The following EHMT1 variants were observed in gnomAD, a reference collection of about 807,000 sequenced individuals.
EHMT1 encodes the protein histone-lysine N-methyltransferase EHMT1.
A neutral mutation model predicts 147.2 loss-of-function variants in EHMT1; 15 were observed. The ratio of observed to expected loss-of-function variants is 0.10; its 90% CI spans 0.07 to 0.16. EHMT1 has a LOEUF of 0.16. EHMT1 is among the 10% of genes least tolerant of loss of function. The pLI is 1.00. For missense variants in EHMT1, 1,587 were observed against 1,772.4 expected, an observed-to-expected ratio of 0.90 and a Z score of 1.88; for synonymous variants, 795 against 709.6, an observed-to-expected ratio of 1.12 and a Z score of -1.91.
intron 18 of EHMT1, among the ~76,000 whole-genome samples, chr9:137,810,506 A>G (rs1226583011): frequency 1.3e-5 from 2 of 151,946 alleles, no homozygotes; most frequent in Non-Finnish European, 2.9e-5. Context: ...AGAGTTGAAC[A>G]TTTTCTTATG....
At chr9:137,753,635 C>T (rs1314828452) in intron 7 of EHMT1, among the ~76,000 whole-genome samples, 2 of 152,184 alleles carry the variant, frequency 1.3e-5, no homozygotes, top group South Asian at 2.1e-4. Flanking sequence ...GGGGTGGGGG[C>T]GCCTGCTGTG....
chr9:137,657,775 G>A (rs970504330), intron 1 of EHMT1, among the ~76,000 whole-genome samples: 1 of 151,534 alleles, frequency 6.6e-6, no homozygotes, highest in Non-Finnish European at 1.5e-5. Context: ...TATGTTTTGT[G>A]CCCATGAACC....
In EHMT1 at chr9:137,775,359, T is replaced by C; in HGVS notation, c.1791+107T>C. ...ACCTGCTGTCGGGTGGTCCAGCAGC[T>C]GGCCCAGGTCTGGTGTCCGTCTGGA... On this transcript the variant is annotated intron_variant, in intron 11 of 26. Coordinates refer to ENST00000460843, the MANE Select transcript of EHMT1 (RefSeq NM_024757.5). The surrounding 1 kb of genome is among the most constrained non-coding windows in gnomAD (Gnocchi z 6.1). 1 of 1,508,538 alleles carries C rather than the reference T, an allele frequency of 6.6e-7. No homozygotes were observed. 93.4% of individuals were successfully genotyped at this position (1,508,538 alleles called of 1,614,324 possible).
chr9:137,685,708 TCTCTA>T (rs1187975741), intron 1 of EHMT1, among the ~76,000 whole-genome samples: 5 of 152,354 alleles, frequency 3.3e-5, no homozygotes, highest in African/African-American at 1.2e-4. Context: ...GGTTCAGATT[TCTCTA>T]CTCCTCACCA....
chr9:137,672,127 A>G (rs1229902749), intron 1 of EHMT1, among the ~76,000 whole-genome samples: 3 of 152,206 alleles, frequency 2.0e-5, no homozygotes, highest in Middle Eastern at 3.2e-3. Flanking sequence ...TGATAGTGCC[A>G]TAGAGGGCGT....
intron 1 of EHMT1, among the ~76,000 whole-genome samples, chr9:137,653,352 G>A (rs1447265223): frequency 1.3e-5 from 2 of 152,090 alleles, no homozygotes; most frequent in Non-Finnish European, 2.9e-5. Context: ...CCATAGCCTC[G>A]GTGCGTAGTA....
chr9:137,703,256 C>G (rs112464949), intron 1 of EHMT1, among the ~76,000 whole-genome samples: 3,460 of 152,354 alleles, frequency 0.023, 115 homozygotes, highest in African/African-American at 0.078. Context: ...GAGGCATTTT[C>G]CCCATTGTCT....
At chr9:137,646,814 A>G (rs995157605) in intron 1 of EHMT1, among the ~76,000 whole-genome samples, 12 of 152,112 alleles carry the variant, frequency 7.9e-5, no homozygotes, top group Admixed American at 2.6e-4. Flanking sequence ...ATTCATGTTC[A>G]GCTTCTTCCT....
intron 1 of EHMT1, among the ~76,000 whole-genome samples, chr9:137,665,569 CTG>C (rs1429565794): frequency 3.9e-5 from 6 of 152,314 alleles, no homozygotes; most frequent in African/African-American, 1.4e-4. Flanking sequence ...TAAAATGTCT[CTG>C]TGAGTTGAGT....
At chr9:137,676,691 C>G (rs1941368830) in intron 1 of EHMT1, among the ~76,000 whole-genome samples, 1 of 152,230 alleles carries the variant, frequency 6.6e-6, no homozygotes, top group African/African-American at 2.4e-5. Context: ...GGACTGGAGT[C>G]CGCATGAGCA....
chr9:137,830,587 AT>A (rs1956123737), intron 25 of EHMT1, among the ~76,000 whole-genome samples: 2 of 152,182 alleles, frequency 1.3e-5, no homozygotes, highest in Admixed American at 6.5e-5. Flanking sequence ...GATATTACCG[AT>A]AACAGTAAGC....
In EHMT1 at chr9:137,731,253, G is replaced by A. The variant is rs1384221327; in HGVS notation, c.823+2724G>A. On this transcript the variant is annotated intron_variant, in intron 4 of 26. Transcript: ENST00000460843. This position sits in a 1 kb window ranked among gnomAD's most constrained non-coding sequence, Gnocchi z 4.3. ...TGGCCTTGAGCACTGGAGGAGATGT[G>A]CTCGGCAGTTAGCTGCCTGCTGTGG... Among the ~76,000 whole-genome samples the A allele has an allele frequency of 6.6e-6, 1 of 152,180 alleles. No individual in the cohort carries two copies. Among genetic ancestry groups the A allele is most frequent in the Non-Finnish European group, 1.5e-5 (1 of 68,022 alleles).
At chr9:137,645,605 G>A (rs1460850519) in intron 1 of EHMT1, among the ~76,000 whole-genome samples, 2 of 152,182 alleles carry the variant, frequency 1.3e-5, no homozygotes, top group African/African-American at 4.8e-5. Flanking sequence ...TCCTGTAGGT[G>A]GTTAAAGGAA....
chr9:137,762,591 C>T, intron 9 of EHMT1, 84 bp from the exon 10 acceptor site: 1 of 1,602,696 alleles, frequency 6.2e-7, no homozygotes, highest in Admixed American at 1.7e-5. Flanking sequence ...TGTGAGATCA[C>T]TGTTGAGACT....
chr9:137,711,137 C>A, intron 2 of EHMT1, 107 bp downstream of exon 2: 2 of 1,211,918 alleles, frequency 1.7e-6, no homozygotes, highest in Non-Finnish European at 1.2e-6. Context: ...TTCTTTGCTT[C>A]ACCTAGGTTT....
At chr9:137,708,326 C>G (rs1467011652) in intron 1 of EHMT1, among the ~76,000 whole-genome samples, 2 of 152,186 alleles carry the variant, frequency 1.3e-5, no homozygotes, top group Non-Finnish European at 2.9e-5. Context: ...ATTTTGATAT[C>G]TTTTCAGATA....
intron 17 of EHMT1, among the ~76,000 whole-genome samples, chr9:137,799,730 G>T (rs141436499): frequency 5.2e-4 from 79 of 152,360 alleles, no homozygotes; most frequent in South Asian, 1.0e-3. Flanking sequence ...AGTTGTTGAC[G>T]CCCAGCTTCT....
rs145127886 is a variant in EHMT1, at chr9:137,631,749, G to A, written c.21+12700G>A. On this transcript the variant is annotated intron_variant, in intron 1 of 26. Coordinates refer to ENST00000460843, the MANE Select transcript of EHMT1 (RefSeq NM_024757.5). Reference sequence around the variant, plus strand: ...AAAAATTAGTTGGGCATTGTGGTGTGTGCCTGTAGACCCAGCTACTCCGGG... The same window carrying A: ...AAAAATTAGTTGGGCATTGTGGTGTATGCCTGTAGACCCAGCTACTCCGGG... Among the ~76,000 whole-genome samples, 16 of 152,212 alleles carry A rather than the reference G, an allele frequency of 1.1e-4. No individual in the cohort carries two copies. The East Asian group carries it at 3.1e-3, about 29-fold the overall frequency.
intron 16 of EHMT1, among the ~76,000 whole-genome samples, chr9:137,794,715 T>C (rs908185868): frequency 6.7e-6 from 1 of 149,934 alleles, no homozygotes; most frequent in African/African-American, 2.5e-5. Flanking sequence ...CGTTATGAAA[T>C]ATTACTGACT....
Sources: gnomAD v4.1 joint callset for allele counts (sites outside exome capture counted in the v4.1 genomes callset) on GRCh38, gnomAD v4.1.1 for gene constraint, Gnocchi (gnomAD v3.1) non-coding constraint, MANE v1.5 for transcripts, NCBI Gene and HGNC (gene_info 2026-07-23, HGNC 2026-07-21) for gene names.